The following LAMC3 variants were observed in gnomAD, a reference collection of about 807,000 sequenced individuals.
LAMC3 encodes laminin subunit gamma 3, also known as laminin subunit gamma-3.
A neutral mutation model predicts 173.8 loss-of-function variants in LAMC3; 128 were observed. That is an observed-to-expected ratio of 0.74 (90% CI 0.64 to 0.85). The LOEUF is 0.85. Ranked by LOEUF, LAMC3 falls within the 40% of genes least tolerant of loss-of-function variation. The pLI is 0.00. For missense variants in LAMC3, 2,022 were observed against 2,156.0 expected, an observed-to-expected ratio of 0.94 and a Z score of 1.23; for synonymous variants, 897 against 909.1, an observed-to-expected ratio of 0.99 and a Z score of 0.24.
chr9:131,017,290 A>C lies in LAMC3; in HGVS notation c.373+7703A>C, dbSNP rs1006659624. 4.6e-5 allele frequency among the ~76,000 whole-genome samples: 7 copies of C among 152,294 alleles called. 1 individual carries two copies. The South Asian group carries it at 1.5e-3, about 32-fold the overall frequency. On this transcript the variant is annotated intron_variant, in intron 1 of 27. Coordinates refer to ENST00000361069, the MANE Select transcript of LAMC3 (RefSeq NM_006059.4). ...AGCTGGCAGCTAGAAGCGTGATCGG[A>C]AAAAGGCAGTCACTGGGAGTTCATG...
intron 1 of LAMC3, among the ~76,000 whole-genome samples, chr9:131,015,766 C>G (rs1833509639): frequency 6.6e-6 from 1 of 152,234 alleles, no homozygotes; most frequent in Non-Finnish European, 1.5e-5. Flanking sequence ...AGCGATTCTC[C>G]TGCTTCAGCC....
intron 17 of LAMC3, among the ~76,000 whole-genome samples, chr9:131,070,824 C>T (rs370541440): frequency 5.9e-5 from 9 of 152,346 alleles, no homozygotes; most frequent in African/African-American, 2.2e-4. Context: ...ACGACTATTT[C>T]CACGAAGTGG....
At chr9:131,069,628 CT>C (rs1469567508) in intron 16 of LAMC3, 43 bp from the exon 17 acceptor site, 2 of 1,571,140 alleles carry the variant, frequency 1.3e-6, no homozygotes, top group Non-Finnish European at 1.7e-6. Flanking sequence ...CGCACTGCCC[CT>C]GGCCCCTCTA....
At chr9:131,036,611 C>T (rs1421785270) in intron 4 of LAMC3, among the ~76,000 whole-genome samples, 1 of 152,122 alleles carries the variant, frequency 6.6e-6, no homozygotes, top group African/African-American at 2.4e-5. Context: ...CCCCGACTTG[C>T]TTCTTTGTGT....
At chr9:131,021,719 A>G (rs1169665905) in intron 1 of LAMC3, among the ~76,000 whole-genome samples, 10 of 152,152 alleles carry the variant, frequency 6.6e-5, no homozygotes, top group Admixed American at 5.9e-4. Context: ...CACACCAGTC[A>G]CAAGTCTAGG....
intron 21 of LAMC3, among the ~76,000 whole-genome samples, chr9:131,076,983 G>T (rs1830139373): frequency 6.6e-6 from 1 of 152,232 alleles, no homozygotes; most frequent in Non-Finnish European, 1.5e-5. Flanking sequence ...ACAAGAATGT[G>T]GCCCTTTCAC....
At chr9:131,055,004 C>T (rs1204418091) in intron 11 of LAMC3, among the ~76,000 whole-genome samples, 1 of 152,122 alleles carries the variant, frequency 6.6e-6, no homozygotes, top group African/African-American at 2.4e-5. Context: ...GGTATGGGTG[C>T]TCTGTGAGGT....
At chr9:131,090,182 G>A (rs1396529864) in intron 27 of LAMC3, among the ~76,000 whole-genome samples, 1 of 152,182 alleles carries the variant, frequency 6.6e-6, no homozygotes, top group Non-Finnish European at 1.5e-5. Flanking sequence ...AAGTGACTCA[G>A]CGTGCGTGCA....
Position 131,066,967 on chromosome 9 carries a change from C to G in LAMC3, c.2355C>G (p.Arg785=). 3 of 1,613,858 alleles carry G rather than the reference C, an allele frequency of 1.9e-6. No homozygotes were observed. The highest frequency in any genetic ancestry group is 1.1e-5 in the South Asian group (1 of 91,088). The change falls in exon 14 of 28, where the codon CGC becomes CGG. Residue 785 remains arginine (R), a synonymous_variant. Transcript: ENST00000361069. ...THCPPGQRGR[R]CEVCDDGFFG... is the part of the protein sequence containing the mutation. ...TGCTCCCTCTACACACAGGGCGGCG[C>G]TGTGAGGTCTGTGATGATGGCTTTT...
rs1448287950 is a variant in LAMC3, at chr9:131,052,884, C to T, written c.1858C>T (p.Leu620=). The change falls in exon 11 of 28, where the codon CTG becomes TTG. Residue 620 remains leucine (L), a synonymous_variant. Coordinates refer to ENST00000361069, the MANE Select transcript of LAMC3 (RefSeq NM_006059.4). ...QETSEDVAPP[L]PPFHFQRLLA... ...GACCTCCGAGGACGTGGCCCCTCCA[C>T]TGCCCCCCTTCCACTTCCAGCGGCT... 1.2e-6 allele frequency: 2 copies of T among 1,613,980 alleles called. No individual in the cohort carries two copies. The highest frequency in any genetic ancestry group is 1.7e-6 in the Non-Finnish European group (2 of 1,179,974).
chr9:131,070,642 C>T (rs189126741), intron 17 of LAMC3, among the ~76,000 whole-genome samples: 1 of 151,918 alleles, frequency 6.6e-6, no homozygotes, highest in East Asian at 1.9e-4. Context: ...ACCCAGGAGG[C>T]GGAGGTCGCA....
chr9:131,044,742 A>G (rs1393886191), intron 7 of LAMC3, among the ~76,000 whole-genome samples: 1 of 152,218 alleles, frequency 6.6e-6, no homozygotes, highest in Non-Finnish European at 1.5e-5. Flanking sequence ...TCTAATCATG[A>G]GAAACATCAG....
At chr9:131,048,593 C>T (rs1834220867) in intron 8 of LAMC3, among the ~76,000 whole-genome samples, 1 of 152,178 alleles carries the variant, frequency 6.6e-6, no homozygotes, top group African/African-American at 2.4e-5. Flanking sequence ...ACTGAACTGG[C>T]ACTGGGGACC....
At chr9:131,071,738 G>C in intron 18 of LAMC3, 113 bp downstream of exon 18, 1 of 1,118,180 alleles carries the variant, frequency 8.9e-7, no homozygotes, top group Non-Finnish European at 1.2e-6. Context: ...CTGTTGCCAT[G>C]GGCCTTTACT....
rs372168396 is a variant in LAMC3, at chr9:131,056,983, C to T, written c.1994C>T (p.Pro665Leu). 73 of 1,613,916 alleles carry T rather than the reference C, an allele frequency of 4.5e-5. No homozygotes were observed. Among genetic ancestry groups the T allele is most frequent in the Admixed American group, 1.3e-4 (8 of 60,006 alleles). The change falls in exon 12 of 28, where the codon CCG becomes CTG. Residue 665 changes from proline to leucine, a missense_variant. By Grantham distance (98) the Pro-to-Leu change is moderately conservative. Transcript: ENST00000361069. Reference sequence around the variant, plus strand: ...ACATCCGCCCGGCCAGGGCTTTCCCCGCCAGCCTCCTGGGTGGAGATTTGT... The same window carrying T: ...ACATCCGCCCGGCCAGGGCTTTCCCTGCCAGCCTCCTGGGTGGAGATTTGT... ...RLTSARPGLS[P>L]PASWVEICSC...
intron 8 of LAMC3, among the ~76,000 whole-genome samples, chr9:131,048,047 ATT>A (rs59291636): frequency 1.8e-3 from 98 of 53,388 alleles, no homozygotes; most frequent in African/African-American, 8.2e-3. Flanking sequence ...CACCCAGCTG[ATT>A]TTTTTTTTTT....
chr9:131,065,638 GT>G (rs1429189552), intron 13 of LAMC3, among the ~76,000 whole-genome samples: 2 of 152,230 alleles, frequency 1.3e-5, no homozygotes, highest in Admixed American at 1.3e-4. Context: ...GACGATGACA[GT>G]TGTGCCAGTG....
Position 131,073,269 on chromosome 9 carries a change from C to A in LAMC3, c.3442C>A (p.Gln1148Lys). 6.2e-7 allele frequency: 1 copy of A among 1,613,664 alleles called. No individual in the cohort carries two copies. The highest frequency in any genetic ancestry group is 8.5e-7 in the Non-Finnish European group (1 of 1,179,954). The change falls in exon 20 of 28, where the codon CAG becomes AAG. Residue 1148 changes from glutamine (Q) to lysine (K), a missense_variant. Gln to Lys is a moderately conservative substitution (Grantham distance 53). Coordinates refer to ENST00000361069, the MANE Select transcript of LAMC3 (RefSeq NM_006059.4). ...GGAGATTCCTCAGGAAGGTCCCAGTCAGCCGACCAAATGGAGCCACCTGGC... is the reference window on the plus strand; with the variant it reads ...GGAGATTCCTCAGGAAGGTCCCAGTAAGCCGACCAAATGGAGCCACCTGGC... ...SLEIPQEGPS[Q>K]PTKWSHLATE...
chr9:131,037,700 C>T (rs1471595371), intron 4 of LAMC3, among the ~76,000 whole-genome samples: 3 of 152,226 alleles, frequency 2.0e-5, no homozygotes, highest in African/African-American at 7.2e-5. Flanking sequence ...TCACTGTTGC[C>T]CAGGCTGGTC....
Sources: gnomAD v4.1 joint callset for allele counts (sites outside exome capture counted in the v4.1 genomes callset) on GRCh38, gnomAD v4.1.1 for gene constraint, MANE v1.5 for transcripts, NCBI Gene and HGNC (gene_info 2026-07-23, HGNC 2026-07-21) for gene names.